The following UNC79 variants were observed in gnomAD, a reference collection of about 807,000 sequenced individuals.
The protein encoded by UNC79 is unc-79 subunit of NALCN channel complex, also known as protein unc-79 homolog.
A neutral mutation model predicts 283.1 loss-of-function variants in UNC79; 37 were observed. The ratio of observed to expected loss-of-function variants is 0.13; its 90% CI spans 0.10 to 0.17. The LOEUF (loss-of-function observed/expected upper bound fraction) is 0.17, where lower values mean the gene tolerates loss of function less well. Among genes scored for constraint, UNC79 ranks in the 10% least tolerant of loss-of-function variants. The pLI is 1.00. For missense variants in UNC79, 2,272 were observed against 3,211.1 expected, an observed-to-expected ratio of 0.71 and a Z score of 7.07; for synonymous variants, 1,107 against 1,200.2, an observed-to-expected ratio of 0.92 and a Z score of 1.61.
intron 1 of UNC79, among the ~76,000 whole-genome samples, chr14:93,352,374 C>T (rs2053995078): frequency 6.6e-6 from 1 of 152,170 alleles, no homozygotes; most frequent in South Asian, 2.1e-4. Flanking sequence ...ACAGCTTTAC[C>T]CTCCTAGCTG....
At chr14:93,435,342 C>A (rs750113076) in intron 1 of UNC79, among the ~76,000 whole-genome samples, 1 of 152,166 alleles carries the variant, frequency 6.6e-6, no homozygotes, top group Non-Finnish European at 1.5e-5. Context: ...ATTTAAACTC[C>A]TTTTCTTCTT....
chr14:93,578,367 G>C (rs950943436), intron 18 of UNC79, among the ~76,000 whole-genome samples: 19 of 152,090 alleles, frequency 1.2e-4, no homozygotes, highest in African/African-American at 4.1e-4. Context: ...GGAAGGGCAA[G>C]GTACAACTCT....
intron 47 of UNC79, among the ~76,000 whole-genome samples, chr14:93,701,346 G>A (rs1412015991): frequency 2.6e-5 from 4 of 152,198 alleles, no homozygotes; most frequent in African/African-American, 9.7e-5. Context: ...GGCTGAAAGA[G>A]AAAGTTTCAT....
chr14:93,576,509 G>A (rs957818361), intron 17 of UNC79, among the ~76,000 whole-genome samples: 25 of 152,202 alleles, frequency 1.6e-4, no homozygotes, highest in Admixed American at 1.2e-3. Flanking sequence ...TCCTGATTCA[G>A]AATTTATCCC....
chr14:93,481,290 AC>A (rs2058126865), intron 4 of UNC79, among the ~76,000 whole-genome samples: 1 of 152,194 alleles, frequency 6.6e-6, no homozygotes, highest in South Asian at 2.1e-4. Flanking sequence ...TAAAGGAGTT[AC>A]TAAGAATTGA....
intron 1 of UNC79, among the ~76,000 whole-genome samples, chr14:93,442,334 T>G (rs2056330141): frequency 6.6e-6 from 1 of 152,186 alleles, no homozygotes; most frequent in African/African-American, 2.4e-5. Context: ...TGTTGGGTGT[T>G]TTTTGCTTAT....
chr14:93,467,840 G>A, intron 2 of UNC79, 49 bp downstream of exon 2: 1 of 1,453,682 alleles, frequency 6.9e-7, no homozygotes, highest in African/African-American at 1.5e-5. Context: ...AGGTAGTATT[G>A]CTGAATTTAT....
chr14:93,704,785 CT>C, intron 48 of UNC79, 119 bp downstream of exon 51: 1 of 1,285,924 alleles, frequency 7.8e-7, no homozygotes, highest in Non-Finnish European at 1.1e-6. Flanking sequence ...TGCTCCTGGC[CT>C]TAGAGGGCTG....
In UNC79 at chr14:93,513,219, CTTCT is replaced by C. The variant is rs756258085; in HGVS notation, c.899-10755_899-10752del. Among the ~76,000 whole-genome samples, 92 of 65,898 alleles carry C rather than the reference CTTCT, an allele frequency of 1.4e-3. 1 individual carries two copies. The East Asian group carries it at 0.029, about 21-fold the overall frequency. The allele number at this position is 65,898 out of a possible 152,430, so 43.2% of individuals were successfully genotyped here. ...CCTTCCTTCTTTCCTTCCTTCCTTC[CTTCT>C]TTCCTTCCTTCCTTCCTAACATGGT... On this transcript the variant is annotated intron_variant, in intron 7 of 48. Coordinates refer to ENST00000555664, the Ensembl canonical transcript of UNC79.
At chr14:93,647,551 G>A (rs2140276870) in intron 35 of UNC79, among the ~76,000 whole-genome samples, 1 of 152,310 alleles carries the variant, frequency 6.6e-6, no homozygotes, top group South Asian at 2.1e-4. Context: ...AAGTCTCTAA[G>A]TCAGGAAAAT....
At chr14:93,593,329 T>A (rs902877022) in intron 22 of UNC79, among the ~76,000 whole-genome samples, 3 of 152,198 alleles carry the variant, frequency 2.0e-5, no homozygotes, top group African/African-American at 7.2e-5. Context: ...AGATGCTCAC[T>A]GTAAGAAAAT....
chr14:93,597,292 A>C, intron 23 of UNC79, 67 bp from the exon 24 acceptor site: 2 of 1,516,934 alleles, frequency 1.3e-6, no homozygotes, highest in Non-Finnish European at 1.8e-6. Flanking sequence ...TGGCTAAATA[A>C]ATGTGTATGC....
At position 93,564,790 on chromosome 14, in the gene UNC79, G is replaced by C. The variant is rs565438704; in HGVS notation, c.1756-7104G>C. 2.0e-5 allele frequency among the ~76,000 whole-genome samples: 3 copies of C among 152,272 alleles called. No homozygotes were observed. In the East Asian group the frequency reaches 5.8e-4, roughly 29 times the overall value. On this transcript the variant is annotated intron_variant, in intron 14 of 48. Transcript: ENST00000555664. ...GGGTGGGGGTCACAAGGTGCTCAGTGGGGGAGCTTTTGAGCCAGGATGAGC... is the reference window on the plus strand; with the variant it reads ...GGGTGGGGGTCACAAGGTGCTCAGTCGGGGAGCTTTTGAGCCAGGATGAGC...
rs565900530 is a variant in UNC79 at position 93,502,611 on chromosome 14, C to T, written c.898+5325C>T. On this transcript the variant is annotated intron_variant, in intron 7 of 48. Coordinates refer to ENST00000555664, the Ensembl canonical transcript of UNC79. ...GAGAAAGAAATTATTTAGCAATTTT[C>T]CTGTTACAGTGTCCCAACTAGAAAA... is the stretch of plus-strand genomic sequence containing the variant. 5.9e-5 allele frequency among the ~76,000 whole-genome samples: 9 copies of T among 152,272 alleles called. No homozygotes were observed. The South Asian group carries it at 1.9e-3, about 32-fold the overall frequency.
chr14:93,516,170 A>G (rs935932403), intron 7 of UNC79, among the ~76,000 whole-genome samples: 2 of 151,500 alleles, frequency 1.3e-5, no homozygotes, highest in East Asian at 3.9e-4. Flanking sequence ...CTATTTCTAA[A>G]CTCTCTATTT....
At chr14:93,465,326 A>C (rs2655139) in intron 1 of UNC79, among the ~76,000 whole-genome samples, 142,935 of 152,220 alleles carry the variant, frequency 0.94, 67,333 homozygotes, top group Non-Finnish European at 0.98. Flanking sequence ...TTCATTTGTT[A>C]ATTTAATCCT....
At chr14:93,409,476 A>G (rs1434009805) in intron 1 of UNC79, among the ~76,000 whole-genome samples, 1 of 152,154 alleles carries the variant, frequency 6.6e-6, no homozygotes, top group East Asian at 1.9e-4. Flanking sequence ...GAATCACTTG[A>G]GGCCAGGAAT....
In UNC79 at chr14:93,490,778, C is replaced by CT. The variant is rs537336688; in HGVS notation, c.712+3027dup. Among the ~76,000 whole-genome samples, 84 of 152,248 alleles carry CT rather than the reference C, an allele frequency of 5.5e-4. 2 individuals carry two copies. The East Asian group carries it at 0.014, about 25-fold the overall frequency. On this transcript the variant is annotated intron_variant, in intron 5 of 48. Coordinates refer to ENST00000555664, the Ensembl canonical transcript of UNC79. ...TCTTTTTCAGCACTTGCCAGAATTG[C>CT]TTTTAAAGGTCTATTCATGGCAATA...
rs547268434 is a variant in UNC79 at position 93,539,921 on chromosome 14, T to G, written c.1353-739T>G. Among the ~76,000 whole-genome samples the G allele has an allele frequency of 4.6e-5, 7 of 152,340 alleles. No individual in the cohort carries two copies. In the South Asian group the frequency reaches 1.5e-3, roughly 32 times the overall value. On this transcript the variant is annotated intron_variant, in intron 12 of 48. Coordinates refer to ENST00000555664, the Ensembl canonical transcript of UNC79. ...CTTACTTTTCTCTATCGTTACATAT[T>G]TAGACTGCTTCCAGTTTTTTACTTT...
Sources: gnomAD v4.1 joint callset for allele counts (sites outside exome capture counted in the v4.1 genomes callset) on GRCh38, gnomAD v4.1.1 for gene constraint, MANE v1.5 for transcripts, NCBI Gene and HGNC (gene_info 2026-07-23, HGNC 2026-07-21) for gene names.